VAC14: variants seen among roughly 807,000 people sequenced by gnomAD.
VAC14 encodes the protein protein VAC14 homolog.
Under a neutral mutation model 85.3 loss-of-function variants are expected in VAC14, and 47 were observed. The observed-to-expected ratio is 0.55, with a 90% CI of 0.44 to 0.70. VAC14 has a LOEUF of 0.70. VAC14 is among the 30% of genes least tolerant of loss of function. The pLI is 0.00. For missense variants in VAC14, 861 were observed against 1,004.3 expected, an observed-to-expected ratio of 0.86 and a Z score of 1.93; for synonymous variants, 447 against 430.5, an observed-to-expected ratio of 1.04 and a Z score of -0.47.
At chr16:70,767,514 C>T (rs759757208) in intron 10 of VAC14, among the ~76,000 whole-genome samples, 8 of 152,244 alleles carry the variant, frequency 5.3e-5, no homozygotes, top group Non-Finnish European at 1.2e-4. Flanking sequence ...GCTGGTGTCA[C>T]TGAAGACATC....
At chr16:70,704,182 G>A (rs576371466) in intron 14 of VAC14, among the ~76,000 whole-genome samples, 1 of 152,372 alleles carries the variant, frequency 6.6e-6, no homozygotes, top group East Asian at 1.9e-4. Context: ...GGGTGGGCAG[G>A]AGGAGTAAGG....
At chr16:70,695,760 G>T in intron 16 of VAC14, 137 bp from the exon 17 acceptor site, 1 of 747,318 alleles carries the variant, frequency 1.3e-6, no homozygotes, top group Non-Finnish European at 2.2e-6. Context: ...GGCGCACAAA[G>T]GACACCAGGC....
At position 70,798,555 on chromosome 16, in the gene VAC14, T is replaced by C. The variant is rs1462321987; in HGVS notation, c.104+2242A>G. On this transcript the variant is annotated intron_variant, in intron 1 of 18. Coordinates refer to ENST00000261776, the MANE Select transcript of VAC14 (RefSeq NM_018052.5). The stretch of plus-strand genomic sequence containing the variant: ...CTCTAAGCAATTTGTGAAGCATATG[T>C]TCTGAGGAAGGCATTGAACTAACCA... Among the ~76,000 whole-genome samples, 3 of 152,218 alleles carry C rather than the reference T, an allele frequency of 2.0e-5. No individual in the cohort carries two copies. The East Asian group carries it at 5.8e-4, about 29-fold the overall frequency.
At chr16:70,760,002 G>C (rs922991520) in intron 12 of VAC14, among the ~76,000 whole-genome samples, 1 of 152,162 alleles carries the variant, frequency 6.6e-6, no homozygotes, top group Non-Finnish European at 1.5e-5. Flanking sequence ...GAGAACCGTC[G>C]TGAGGGTTCT....
At chr16:70,694,363 G>A (rs982336578) in intron 17 of VAC14, among the ~76,000 whole-genome samples, 21 of 152,194 alleles carry the variant, frequency 1.4e-4, no homozygotes, top group Non-Finnish European at 8.8e-5. Context: ...GGAGGCCCTC[G>A]GGGAAGTGTC....
intron 18 of VAC14, chr16:70,688,998 G>A (rs1221810814): frequency 2.0e-6 from 2 of 985,510 alleles, no homozygotes; most frequent in Non-Finnish European, 1.2e-6. Context: ...CAGGAAGACT[G>A]TGGGCTGCTC....
intron 1 of VAC14, 73 bp downstream of exon 1, chr16:70,800,724 G>C: frequency 7.5e-7 from 1 of 1,335,248 alleles, no homozygotes. Context: ...GGCTGGGAAG[G>C]CGTGAGAAGT....
At chr16:70,731,658 T>C (rs768800860) in intron 13 of VAC14, 31 bp from the exon 14 acceptor site, 62 of 1,610,396 alleles carry the variant, frequency 3.8e-5, no homozygotes, top group Non-Finnish European at 4.9e-5. Context: ...CCAGCATTTA[T>C]TCTGATTATG....
intron 14 of VAC14, among the ~76,000 whole-genome samples, chr16:70,725,567 T>C (rs944125937): frequency 6.9e-6 from 1 of 145,372 alleles, no homozygotes; most frequent in Non-Finnish European, 1.5e-5. Context: ...ACAAGGGCTC[T>C]TATGCAAACC....
chr16:70,789,795 T>C (rs761882038), intron 1 of VAC14, among the ~76,000 whole-genome samples: 3 of 152,232 alleles, frequency 2.0e-5, no homozygotes, highest in Non-Finnish European at 2.9e-5. Context: ...CTAGGCCCGC[T>C]AAAGCAGCTG....
At chr16:70,699,220 A>C in intron 14 of VAC14, 1 of 198,736 alleles carries the variant, frequency 5.0e-6, no homozygotes, top group African/African-American at 2.3e-5. Context: ...TCTTGCTAGA[A>C]CTCATCTTCA....
intron 14 of VAC14, among the ~76,000 whole-genome samples, chr16:70,719,277 G>A (rs1567536441): frequency 6.6e-6 from 1 of 152,190 alleles, no homozygotes; most frequent in Non-Finnish European, 1.5e-5. Flanking sequence ...TCATCACTCA[G>A]AAACAGGCGG....
At chr16:70,706,669 AT>A (rs2053925937) in intron 14 of VAC14, among the ~76,000 whole-genome samples, 1 of 152,038 alleles carries the variant, frequency 6.6e-6, no homozygotes, top group African/African-American at 2.4e-5. Context: ...TACTAGGCAC[AT>A]TTTTCTATTT....
In VAC14 at chr16:70,783,678, G is replaced by T. The variant is rs75726903; in HGVS notation, c.595-124C>A. On this transcript the variant is annotated intron_variant, in intron 5 of 18. Transcript: ENST00000261776. ...GAGACAGCATTTCCCTGCAGTGCAG[G>T]TGTCCCATGTGGGAGGAGGGTGCTG... 9.4e-5 allele frequency: 85 copies of T among 901,688 alleles called. No individual in the cohort carries two copies. The African/African-American group carries it at 1.2e-3, about 13-fold the overall frequency. The allele number at this position is 901,688 out of a possible 1,614,324, so 55.9% of individuals were successfully genotyped here.
chr16:70,754,542 AAAG>A (rs1343015844), intron 12 of VAC14, among the ~76,000 whole-genome samples: 1 of 152,072 alleles, frequency 6.6e-6, no homozygotes, highest in Non-Finnish European at 1.5e-5. Flanking sequence ...GAAGCCCCCA[AAAG>A]AAGCTGCAGG....
At chr16:70,693,125 GC>G (rs2053632450) in intron 17 of VAC14, among the ~76,000 whole-genome samples, 154 bp from the exon 18 acceptor site, 1 of 152,212 alleles carries the variant, frequency 6.6e-6, no homozygotes, top group African/African-American at 2.4e-5. Context: ...CAGCCAGGTG[GC>G]TGTGGCTTCC....
intron 1 of VAC14, among the ~76,000 whole-genome samples, chr16:70,793,514 C>G (rs1313021378): frequency 2.0e-5 from 3 of 152,204 alleles, no homozygotes; most frequent in Admixed American, 2.0e-4. Context: ...ATCTTATCCA[C>G]TATATTAGAC....
At chr16:70,749,842 G>A (rs1447853306) in intron 12 of VAC14, among the ~76,000 whole-genome samples, 5 of 152,192 alleles carry the variant, frequency 3.3e-5, no homozygotes, top group Admixed American at 6.5e-5. Flanking sequence ...CACCAATCTC[G>A]ATGCACACCT....
chr16:70,695,844 C>A (rs2053695736), intron 16 of VAC14: 2 of 515,250 alleles, frequency 3.9e-6, no homozygotes, highest in Non-Finnish European at 7.1e-6. Context: ...ACTCTAGCAG[C>A]TGTCTCCTCT....
Sources: allele counts gnomAD v4.1 joint callset (sites outside exome capture counted in the v4.1 genomes callset), GRCh38; gene constraint gnomAD v4.1.1; transcripts MANE v1.5; gene names NCBI Gene and HGNC (gene_info 2026-07-23, HGNC 2026-07-21).